The following RFX3 variants were observed in gnomAD, a reference collection of about 807,000 sequenced individuals.
RFX3 encodes the protein transcription factor RFX3.
Under a neutral mutation model 98.6 loss-of-function variants are expected in RFX3, and 14 were observed. The ratio of observed to expected loss-of-function variants is 0.14; its 90% CI spans 0.09 to 0.22. The LOEUF (loss-of-function observed/expected upper bound fraction) is 0.22, where lower values mean the gene tolerates loss of function less well. Ranked by LOEUF, RFX3 falls within the 10% of genes least tolerant of loss-of-function variation. The pLI is 1.00. For synonymous variants in RFX3, 383 were observed against 328.4 expected (o/e 1.17, Z -1.80); for missense variants, 639 against 926.9 (o/e 0.69, Z 4.03).
intron 15 of RFX3, among the ~76,000 whole-genome samples, chr9:3,232,488 C>A (rs895176227): frequency 2.0e-5 from 3 of 152,176 alleles, no homozygotes; most frequent in Admixed American, 1.3e-4. Context: ...TCTTCCCAAC[C>A]AAAATGTTAC....
intron 1 of RFX3, among the ~76,000 whole-genome samples, chr9:3,455,239 G>A (rs779953484): frequency 1.3e-5 from 2 of 152,088 alleles, no homozygotes; most frequent in Non-Finnish European, 2.9e-5. Flanking sequence ...ACCGTTTCAG[G>A]TTTAGAGCAG....
At chr9:3,373,748 A>C (rs1444329086) in intron 2 of RFX3, among the ~76,000 whole-genome samples, 1 of 152,146 alleles carries the variant, frequency 6.6e-6, no homozygotes, top group African/African-American at 2.4e-5. Context: ...GCGAAAGATT[A>C]GGAAGAGAGA....
intron 2 of RFX3, among the ~76,000 whole-genome samples, chr9:3,374,721 G>A (rs1199110409): frequency 3.9e-5 from 6 of 152,166 alleles, no homozygotes; most frequent in Admixed American, 3.9e-4. Context: ...ATTGTAATGG[G>A]TAGAGAGTTT....
In RFX3 at chr9:3,288,151, T is replaced by C. The variant is rs748119365; in HGVS notation, c.831A>G (p.Gln277=). 113 of 1,612,844 alleles carry C rather than the reference T, an allele frequency of 7.0e-5. No individual in the cohort carries two copies. Among genetic ancestry groups the C allele is most frequent in the Middle Eastern group, 1.7e-4 (1 of 6,052 alleles). ...TCTACCTTTGTTTCTGTTGCATGGG[T>C]TGTTGTCTCATAGCCATATACTGCA... The part of the protein sequence containing the change: ...EDMQYMAMRQ[Q]PMQQKQRYKP... Residue 277 remains glutamine, a synonymous_variant, in exon 7 of 17, where the codon CAA becomes CAG. Coordinates refer to ENST00000617270, the MANE Select transcript of RFX3 (RefSeq NM_001282116.2).
intron 4 of RFX3, among the ~76,000 whole-genome samples, chr9:3,304,713 C>A (rs1420133730): frequency 6.6e-6 from 1 of 151,970 alleles, no homozygotes; most frequent in Non-Finnish European, 1.5e-5. Flanking sequence ...TAAGATGAGT[C>A]TTTTGCCTTC....
At chr9:3,450,719 A>C (rs2132856070) in intron 1 of RFX3, among the ~76,000 whole-genome samples, 1 of 152,292 alleles carries the variant, frequency 6.6e-6, no homozygotes, top group African/African-American at 2.4e-5. Flanking sequence ...ACACACAAAA[A>C]AAATCAAATC....
At chr9:3,350,698 A>G (rs2986681) in intron 2 of RFX3, among the ~76,000 whole-genome samples, 9,913 of 152,192 alleles carry the variant, frequency 0.065, 961 homozygotes, top group African/African-American at 0.21. Context: ...AATAAACTGC[A>G]CTACACATCA....
At chr9:3,503,450 G>A (rs1650204047) in intron 1 of RFX3, among the ~76,000 whole-genome samples, 1 of 151,806 alleles carries the variant, frequency 6.6e-6, no homozygotes, top group African/African-American at 2.4e-5. Context: ...CAATACAGTA[G>A]AATAGCCTCG....
chr9:3,468,718 C>T (rs1848522639), intron 1 of RFX3, among the ~76,000 whole-genome samples: 1 of 150,036 alleles, frequency 6.7e-6, no homozygotes, highest in African/African-American at 2.5e-5. Context: ...TAATTATCTG[C>T]AGCTGTCAAC....
chr9:3,267,180 C>T (rs532093493), intron 11 of RFX3, among the ~76,000 whole-genome samples: 8 of 152,112 alleles, frequency 5.3e-5, no homozygotes, highest in Admixed American at 5.2e-4. Context: ...TAGTATTTTA[C>T]TTCCTCTGTG....
intron 1 of RFX3, among the ~76,000 whole-genome samples, chr9:3,477,985 G>A (rs1164413085): frequency 6.6e-6 from 1 of 151,962 alleles, no homozygotes; most frequent in Admixed American, 6.6e-5. Context: ...GAACTTCCTT[G>A]TTTTTTAATA....
At chr9:3,483,575 G>A (rs899261922) in intron 1 of RFX3, among the ~76,000 whole-genome samples, 1 of 151,786 alleles carries the variant, frequency 6.6e-6, no homozygotes, top group Non-Finnish European at 1.5e-5. Flanking sequence ...GTTATACTTA[G>A]GGGAACTCTA....
In RFX3 at chr9:3,330,535, A is replaced by C. The variant is rs1349927176; in HGVS notation, c.216-18T>G. The C allele has an allele frequency of 6.3e-7, 1 of 1,581,998 alleles. No homozygotes were observed. Among genetic ancestry groups the C allele is most frequent in the African/African-American group, 1.4e-5 (1 of 73,730 alleles). ...TTGTTCGGCTTTAGAAGAAGAAGAA[A>C]AAAGAAATTTACTAGCTTATTTATG... On this transcript the variant is annotated intron_variant, in intron 3 of 16. Transcript: ENST00000617270.
In RFX3 at chr9:3,487,071, G is replaced by C. The variant is rs140432305; in HGVS notation, c.-9+38676C>G. Among the ~76,000 whole-genome samples, 8 of 151,990 alleles carry C rather than the reference G, an allele frequency of 5.3e-5. No individual in the cohort carries two copies. The East Asian group carries it at 1.4e-3, about 26-fold the overall frequency. On this transcript the variant is annotated intron_variant, in intron 1 of 16. Transcript: ENST00000617270. The stretch of plus-strand genomic sequence containing the variant: ...GCCTCTCCCTGTGTTGCCCAGGCTG[G>C]TCTCCAATTCCTGGGCTCAAGGGAT...
At chr9:3,408,104 A>G (rs989438261) in intron 1 of RFX3, among the ~76,000 whole-genome samples, 26 of 152,136 alleles carry the variant, frequency 1.7e-4, no homozygotes, top group African/African-American at 5.1e-4. Flanking sequence ...TCATTCACCA[A>G]TGAGCTTGTT....
At chr9:3,423,242 G>A (rs1175183329) in intron 1 of RFX3, among the ~76,000 whole-genome samples, 1 of 152,118 alleles carries the variant, frequency 6.6e-6, no homozygotes, top group Non-Finnish European at 1.5e-5. Flanking sequence ...AGGTGCTTCT[G>A]AAGTCAAACA....
intron 1 of RFX3, among the ~76,000 whole-genome samples, chr9:3,496,153 G>A (rs539570118): frequency 2.0e-5 from 3 of 151,818 alleles, no homozygotes; most frequent in Non-Finnish European, 4.4e-5. Flanking sequence ...ATTTTTACAC[G>A]GAAGAAAATT....
intron 2 of RFX3, among the ~76,000 whole-genome samples, chr9:3,373,795 C>T (rs1587383394): frequency 1.3e-5 from 2 of 152,108 alleles, no homozygotes; most frequent in African/African-American, 2.4e-5. Flanking sequence ...AATACAAGTA[C>T]CAGCCAAGCA....
At chr9:3,286,880 A>G (rs1826679352) in intron 7 of RFX3, among the ~76,000 whole-genome samples, 1 of 151,828 alleles carries the variant, frequency 6.6e-6, no homozygotes, top group Admixed American at 6.6e-5. Context: ...TTCTGCTTCA[A>G]TATTTCTCTT....
Sources: gnomAD v4.1 joint callset for allele counts (sites outside exome capture counted in the v4.1 genomes callset) on GRCh38, gnomAD v4.1.1 for gene constraint, MANE v1.5 for transcripts, NCBI Gene and HGNC (gene_info 2026-07-23, HGNC 2026-07-21) for gene names.